The following KCNQ5 variants were observed in gnomAD, a reference collection of about 807,000 sequenced individuals.
KCNQ5 encodes potassium voltage-gated channel subfamily KQT member 5.
Under a neutral mutation model 98.2 loss-of-function variants are expected in KCNQ5, and 30 were observed. That is an observed-to-expected ratio of 0.31 (90% CI 0.23 to 0.41). KCNQ5 has a LOEUF of 0.41. Among genes scored for constraint, KCNQ5 ranks in the 10% least tolerant of loss-of-function variants. KCNQ5 has a pLI of 1.00. For missense variants in KCNQ5, 835 were observed against 1,182.5 expected (o/e 0.71, Z 4.31); for synonymous variants, 458 against 449.4 (o/e 1.02, Z -0.24).
At chr6:72,977,699 G>A (rs750388818) in intron 1 of KCNQ5, among the ~76,000 whole-genome samples, 1 of 152,018 alleles carries the variant, frequency 6.6e-6, no homozygotes, top group Non-Finnish European at 1.5e-5. Flanking sequence ...TTGTCCATAC[G>A]TTCAACTCTC....
At chr6:73,144,719 T>A (rs1315049304) in intron 10 of KCNQ5, among the ~76,000 whole-genome samples, 1 of 152,220 alleles carries the variant, frequency 6.6e-6, no homozygotes, top group Non-Finnish European at 1.5e-5. Flanking sequence ...ATGCTCTGTG[T>A]TCAGCTGCTG....
intron 1 of KCNQ5, among the ~76,000 whole-genome samples, chr6:72,649,399 A>C (rs1323270765): frequency 6.6e-6 from 1 of 152,182 alleles, no homozygotes. Context: ...GTGTATAGGC[A>C]CATTACCTTA....
chr6:72,804,522 C>T (rs534501915), intron 1 of KCNQ5, among the ~76,000 whole-genome samples: 1 of 151,942 alleles, frequency 6.6e-6, no homozygotes, highest in East Asian at 1.9e-4. Flanking sequence ...CTTTATAGCC[C>T]GGTAGTACTC....
chr6:72,686,158 T>G (rs531923818), intron 1 of KCNQ5, among the ~76,000 whole-genome samples: 1 of 152,324 alleles, frequency 6.6e-6, no homozygotes, highest in Admixed American at 6.5e-5. Context: ...AGCTTCAACA[T>G]ATGAACTTTA....
chr6:72,658,794 G>C (rs189329277), intron 1 of KCNQ5, among the ~76,000 whole-genome samples: 59 of 151,694 alleles, frequency 3.9e-4, no homozygotes, highest in African/African-American at 1.3e-3. Flanking sequence ...TAACCAGGCT[G>C]ATCTCGAACT....
At chr6:72,976,027 T>G (rs1294242153) in intron 1 of KCNQ5, among the ~76,000 whole-genome samples, 1 of 152,188 alleles carries the variant, frequency 6.6e-6, no homozygotes, top group Non-Finnish European at 1.5e-5. Context: ...TATTAGCAAA[T>G]ATAGTACTTT....
rs147124007 is a variant in KCNQ5 at position 72,771,582 on chromosome 6, C to T, written c.398+148995C>T. On this transcript the variant is annotated intron_variant, in intron 1 of 13. Coordinates refer to ENST00000370398, the MANE Select transcript of KCNQ5 (RefSeq NM_019842.4). The stretch of plus-strand genomic sequence containing the variant: ...TTTTCATATTTAGGTGCTCTTCCCA[C>T]ACACACAATAAAGGGTAACTATGTG... 1.9e-3 allele frequency among the ~76,000 whole-genome samples: 293 copies of T among 151,916 alleles called. 3 individuals carry two copies. The highest frequency in any genetic ancestry group is 0.013 in the Admixed American group (203 of 15,226).
intron 1 of KCNQ5, among the ~76,000 whole-genome samples, chr6:72,914,461 A>G (rs1780054321): frequency 6.6e-6 from 1 of 150,660 alleles, no homozygotes; most frequent in Non-Finnish European, 1.5e-5. Flanking sequence ...ACAAAGGGCT[A>G]TCTTTCACAA....
chr6:72,708,526 T>G (rs9446739), intron 1 of KCNQ5, among the ~76,000 whole-genome samples: 77,789 of 152,014 alleles, frequency 0.51, 23,118 homozygotes, highest in African/African-American at 0.82. Flanking sequence ...CATTTTTGGG[T>G]TGGGTGGCAG....
intron 1 of KCNQ5, among the ~76,000 whole-genome samples, chr6:72,955,008 G>A (rs997213626): frequency 6.6e-6 from 1 of 152,192 alleles, no homozygotes; most frequent in Non-Finnish European, 1.5e-5. Flanking sequence ...GTCTCCCTGT[G>A]TTTTCTTCCT....
chr6:73,049,795 T>C (rs996294667), intron 3 of KCNQ5, among the ~76,000 whole-genome samples: 3 of 152,116 alleles, frequency 2.0e-5, no homozygotes, highest in African/African-American at 4.8e-5. Context: ...GAAACATAAG[T>C]AAAGGGGTTC....
At chr6:72,913,776 G>A (rs1447331724) in intron 1 of KCNQ5, among the ~76,000 whole-genome samples, 7 of 152,166 alleles carry the variant, frequency 4.6e-5, no homozygotes, top group Admixed American at 2.6e-4. Flanking sequence ...TTACAGATTC[G>A]TTTAATGTAA....
At chr6:72,908,103 T>C (rs1779778101) in intron 1 of KCNQ5, among the ~76,000 whole-genome samples, 1 of 152,080 alleles carries the variant, frequency 6.6e-6, no homozygotes, top group African/African-American at 2.4e-5. Flanking sequence ...CTAAATTGCT[T>C]TCTACTAGTC....
intron 1 of KCNQ5, among the ~76,000 whole-genome samples, chr6:72,751,325 A>C (rs114380612): frequency 6.7e-6 from 1 of 149,734 alleles, no homozygotes; most frequent in Admixed American, 6.7e-5. Context: ...AAAAAAAAAA[A>C]ATATAAGAAA....
chr6:73,020,557 A>G (rs1770556652), intron 2 of KCNQ5, among the ~76,000 whole-genome samples: 2 of 152,082 alleles, frequency 1.3e-5, no homozygotes, highest in South Asian at 4.2e-4. Flanking sequence ...TTACATAGAC[A>G]TGATTGACAT....
At chr6:73,075,461 T>C (rs748929564) in intron 3 of KCNQ5, among the ~76,000 whole-genome samples, 46 of 152,158 alleles carry the variant, frequency 3.0e-4, no homozygotes, top group Non-Finnish European at 5.3e-4. Flanking sequence ...GACCTCATGA[T>C]CCGCCCACCT....
chr6:72,974,298 C>T (rs1473337972), intron 1 of KCNQ5, among the ~76,000 whole-genome samples: 3 of 151,752 alleles, frequency 2.0e-5, no homozygotes, highest in Non-Finnish European at 2.9e-5. Flanking sequence ...TATTTACTAT[C>T]TGGTCATTTA....
At chr6:72,941,249 C>G (rs1001186357) in intron 1 of KCNQ5, among the ~76,000 whole-genome samples, 3 of 151,766 alleles carry the variant, frequency 2.0e-5, no homozygotes, top group African/African-American at 7.3e-5. Flanking sequence ...TGGGTGTTGC[C>G]TAACCTGGCC....
chr6:73,182,264 C>G (rs911989477), intron 11 of KCNQ5, among the ~76,000 whole-genome samples: 1 of 152,152 alleles, frequency 6.6e-6, no homozygotes, highest in Non-Finnish European at 1.5e-5. Context: ...TATGGCTGCT[C>G]GCATGCTACA....
Sources: gnomAD v4.1 joint callset for allele counts (sites outside exome capture counted in the v4.1 genomes callset) on GRCh38, gnomAD v4.1.1 for gene constraint, MANE v1.5 for transcripts, NCBI Gene and HGNC (gene_info 2026-07-23, HGNC 2026-07-21) for gene names.